The following ZNF600 variants were observed in gnomAD, a reference collection of about 807,000 sequenced individuals.
The protein encoded by ZNF600 is zinc finger protein 600.
In ZNF600, 4 loss-of-function variants were observed where a neutral mutation model predicts 7.3. That is an observed-to-expected ratio of 0.55 (90% CI 0.27 to 1.25). The LOEUF is 1.25. Ranked by LOEUF, ZNF600 falls within the 50% of genes most tolerant of loss-of-function variation. The pLI, the probability that ZNF600 is intolerant of heterozygous loss-of-function variation, is 0.12. For missense variants in ZNF600, 911 were observed against 922.1 expected, an observed-to-expected ratio of 0.99 and a Z score of 0.16; for synonymous variants, 290 against 308.9, an observed-to-expected ratio of 0.94 and a Z score of 0.64.
chr19:52,778,827 T>C lies in ZNF600; in HGVS notation c.62A>G (p.Gln21Arg). The C allele has an allele frequency of 1.2e-6, 2 of 1,607,046 alleles. No individual in the cohort carries two copies. ...ATCCACAGAGGAATATCACTTCACC[T>C]GAGGAAGAGCCATGCCTGGCTCCTT... is the stretch of plus-strand genomic sequence containing the variant. The change falls in exon 2 of 4, where the codon CAG becomes CGG. Residue 21 changes from glutamine to arginine, a missense_variant and splice_region_variant. By Grantham distance (43) the Gln-to-Arg change is conservative. Coordinates refer to ENST00000648973, the Ensembl canonical transcript of ZNF600.
the ZNF600 span, chr19:52,801,578 T>A: frequency 6.2e-7 from 1 of 1,614,170 alleles, no homozygotes. Context: ...CTTTCTCAAT[T>A]TTCTGGAAGC....
chr19:52,812,156 C>A, the ZNF600 span, among the ~76,000 whole-genome samples: 43 of 126,674 alleles, frequency 3.4e-4, 3 homozygotes, highest in African/African-American at 1.5e-3. Flanking sequence ...GGGTCAGCCC[C>A]CCGCCCGGCC....
chr19:52,778,313 T>A (rs1744857633), intron 2 of ZNF600, among the ~76,000 whole-genome samples: 1 of 148,710 alleles, frequency 6.7e-6, no homozygotes, highest in Admixed American at 6.7e-5. Context: ...TGAACCAACA[T>A]CCTGTCTCTT....
At chr19:52,786,870 A>G, upstream of ZNF600, 1 of 212,378 alleles carries the variant, frequency 4.7e-6, no homozygotes, top group South Asian at 4.9e-5. Context: ...TGCCCTTTAG[A>G]ACCGGCAGAG....
At chr19:52,776,311 T>A (rs1240365361) in intron 2 of ZNF600, among the ~76,000 whole-genome samples, 4 of 151,916 alleles carry the variant, frequency 2.6e-5, no homozygotes, top group African/African-American at 9.7e-5. Context: ...GTTTATCTAG[T>A]GGAGAGAATG....
At chr19:52,820,674 G>A in the ZNF600 span, among the ~76,000 whole-genome samples, 654 of 152,184 alleles carry the variant, frequency 4.3e-3, 5 homozygotes, top group African/African-American at 0.015. Flanking sequence ...TCACTCTGAT[G>A]AGCCTCCACA....
At chr19:52,809,825 C>CAGCGGCGGA in the ZNF600 span, 22 of 529,802 alleles carry the variant, frequency 4.2e-5, no homozygotes, top group Non-Finnish European at 6.2e-5. Context: ...GCGGCGAAGG[C>CAGCGGCGGA]GGCGGCGGCG....
At chr19:52,805,432 G>C in the ZNF600 span, 2 of 151,760 alleles carry the variant, frequency 1.3e-5, no homozygotes, top group African/African-American at 2.4e-5. Flanking sequence ...AGACTATCCT[G>C]GCCAACCAAC....
the ZNF600 span, among the ~76,000 whole-genome samples, chr19:52,832,580 G>A: frequency 6.6e-6 from 1 of 152,124 alleles, no homozygotes; most frequent in East Asian, 1.9e-4. Flanking sequence ...GGGCAATAGA[G>A]CGAGACTCCA....
chr19:52,829,315 C>T, the ZNF600 span, among the ~76,000 whole-genome samples: 1 of 151,684 alleles, frequency 6.6e-6, no homozygotes, highest in Admixed American at 6.6e-5. Context: ...GCTGCACCCA[C>T]TAACTCGTCA....
At chr19:52,827,800 C>T in the ZNF600 span, among the ~76,000 whole-genome samples, 1 of 152,028 alleles carries the variant, frequency 6.6e-6, no homozygotes, top group South Asian at 2.1e-4. Context: ...CCGCCTCAGC[C>T]TCCCAAAGTG....
intron 1 of ZNF600, among the ~76,000 whole-genome samples, chr19:52,785,382 TG>T (rs2062755485): frequency 6.6e-6 from 1 of 152,180 alleles, no homozygotes; most frequent in Admixed American, 6.6e-5. Context: ...CCCTAGTAGC[TG>T]GGATTACAGG....
the ZNF600 span, among the ~76,000 whole-genome samples, chr19:52,794,838 A>G: frequency 6.6e-6 from 1 of 152,114 alleles, no homozygotes; most frequent in Non-Finnish European, 1.5e-5. Flanking sequence ...TGGGTGACAG[A>G]GTGACACTCT....
At chr19:52,783,259 A>AAAC (rs1389407802) in intron 1 of ZNF600, among the ~76,000 whole-genome samples, 1 of 152,218 alleles carries the variant, frequency 6.6e-6, no homozygotes, top group African/African-American at 2.4e-5. Flanking sequence ...TAAACAGAGA[A>AAAC]AACAACATGT....
the ZNF600 span, among the ~76,000 whole-genome samples, chr19:52,793,136 C>T: frequency 1.3e-5 from 2 of 152,112 alleles, no homozygotes; most frequent in Admixed American, 6.5e-5. Context: ...TAATGTACGC[C>T]TTGATGGTTT....
the ZNF600 span, among the ~76,000 whole-genome samples, chr19:52,831,995 T>G: frequency 1.4e-3 from 189 of 135,900 alleles, 3 homozygotes; most frequent in African/African-American, 4.5e-3. Context: ...TCATTACAAT[T>G]ATTATAAAAA....
chr19:52,819,557 C>T, the ZNF600 span, among the ~76,000 whole-genome samples: 6 of 74,428 alleles, frequency 8.1e-5, 2 homozygotes, highest in African/African-American at 3.0e-4. Context: ...TCTGGTCTAG[C>T]CCCTCATCTC....
the ZNF600 span, among the ~76,000 whole-genome samples, chr19:52,793,619 C>T: frequency 6.6e-5 from 10 of 152,082 alleles, no homozygotes; most frequent in Non-Finnish European, 1.0e-4. Context: ...TCTCCCACAA[C>T]CCAAAAGCAT....
At chr19:52,799,118 A>G in the ZNF600 span, 5 of 413,182 alleles carry the variant, frequency 1.2e-5, no homozygotes, top group African/African-American at 2.1e-5. Flanking sequence ...TCTCTGCAGT[A>G]TGAAGACTAT....
Sources: gnomAD v4.1 joint callset for allele counts (sites outside exome capture counted in the v4.1 genomes callset) on GRCh38, gnomAD v4.1.1 for gene constraint, MANE v1.5 for transcripts, NCBI Gene and HGNC (gene_info 2026-07-23, HGNC 2026-07-21) for gene names.